CCDC6: variants seen among roughly 807,000 people sequenced by gnomAD.
The protein encoded by CCDC6 is coiled-coil domain-containing protein 6.
Under a neutral mutation model 56.6 loss-of-function variants are expected in CCDC6, and 20 were observed. The observed-to-expected ratio is 0.35, with a 90% confidence interval of 0.25 to 0.51. The LOEUF is 0.51. CCDC6 is among the 20% of genes least tolerant of loss of function. The pLI is 0.95. For synonymous variants in CCDC6, 241 were observed against 234.4 expected (o/e 1.03, Z -0.26); for missense variants, 367 against 601.1 (o/e 0.61, Z 4.07).
At chr10:59,793,194 G>T in intron 8 of CCDC6, 83 bp from the exon 9 acceptor site, 2 of 1,124,472 alleles carry the variant, frequency 1.8e-6, no homozygotes, top group Non-Finnish European at 2.6e-6. Flanking sequence ...TGGCACTGGG[G>T]CTAATCAAAC....
chr10:59,861,712 T>A (rs1439664283), intron 1 of CCDC6, among the ~76,000 whole-genome samples: 1 of 152,226 alleles, frequency 6.6e-6, no homozygotes, highest in African/African-American at 2.4e-5. Flanking sequence ...ATTAGTAGAT[T>A]TGGCATGGCT....
chr10:59,901,072 G>C (rs902709541), intron 1 of CCDC6, among the ~76,000 whole-genome samples: 1 of 151,906 alleles, frequency 6.6e-6, no homozygotes, highest in Non-Finnish European at 1.5e-5. Context: ...AAAAACAAAC[G>C]GTTTTTAAAA....
intron 2 of CCDC6, among the ~76,000 whole-genome samples, chr10:59,851,897 T>TTTACTTTAC (rs1300904506): frequency 6.7e-6 from 1 of 149,104 alleles, no homozygotes; most frequent in Non-Finnish European, 1.5e-5. Flanking sequence ...AAATTTTACC[T>TTTACTTTAC]TGTACTTTAC....
At chr10:59,800,209 G>T (rs993312453) in intron 7 of CCDC6, among the ~76,000 whole-genome samples, 1 of 152,132 alleles carries the variant, frequency 6.6e-6, no homozygotes, top group Non-Finnish European at 1.5e-5. Flanking sequence ...ATTGACATTG[G>T]TATAATATTA....
intron 7 of CCDC6, among the ~76,000 whole-genome samples, chr10:59,804,138 C>G (rs1047621062): frequency 6.6e-6 from 1 of 151,170 alleles, no homozygotes; most frequent in African/African-American, 2.4e-5. Context: ...AAATCATAGT[C>G]AAAGACATTC....
chr10:59,838,070 G>C (rs1274064666), intron 2 of CCDC6, among the ~76,000 whole-genome samples: 1 of 152,088 alleles, frequency 6.6e-6, no homozygotes, highest in Non-Finnish European at 1.5e-5. Flanking sequence ...CAGAAATTCA[G>C]ACTCCCACTT....
chr10:59,845,399 A>C (rs2132652245), intron 2 of CCDC6, among the ~76,000 whole-genome samples: 1 of 137,408 alleles, frequency 7.3e-6, no homozygotes, highest in African/African-American at 2.8e-5. Context: ...TCTAGCCATA[A>C]CCTTAGTACA....
chr10:59,888,392 C>G (rs373217244), intron 1 of CCDC6, among the ~76,000 whole-genome samples: 1 of 152,376 alleles, frequency 6.6e-6, no homozygotes, highest in African/African-American at 2.4e-5. Flanking sequence ...GTGACCTAAA[C>G]TTTCTGCTGC....
chr10:59,878,039 C>T (rs1005513993), intron 1 of CCDC6, among the ~76,000 whole-genome samples: 1 of 152,102 alleles, frequency 6.6e-6, no homozygotes, highest in Admixed American at 6.5e-5. Context: ...GATGCCATTT[C>T]AAAGCATTTC....
At chr10:59,804,010 T>A (rs758242213) in intron 7 of CCDC6, among the ~76,000 whole-genome samples, 33 of 152,162 alleles carry the variant, frequency 2.2e-4, no homozygotes, top group Admixed American at 3.9e-4. Flanking sequence ...CATTAATTAT[T>A]CTGAGGACAA....
intron 2 of CCDC6, among the ~76,000 whole-genome samples, chr10:59,842,481 G>C (rs1002710214): frequency 3.9e-5 from 6 of 151,966 alleles, no homozygotes; most frequent in Non-Finnish European, 8.8e-5. Flanking sequence ...TTTTTATTCT[G>C]TGAATGTGGC....
chr10:59,842,583 T>A (rs1383088359), intron 2 of CCDC6, among the ~76,000 whole-genome samples: 2 of 152,188 alleles, frequency 1.3e-5, no homozygotes, highest in Non-Finnish European at 2.9e-5. Flanking sequence ...TTTTAATATA[T>A]TGCTGACTTC....
At chr10:59,848,100 T>C (rs572272444) in intron 2 of CCDC6, among the ~76,000 whole-genome samples, 4 of 152,246 alleles carry the variant, frequency 2.6e-5, no homozygotes, top group Non-Finnish European at 5.9e-5. Context: ...TGCCCTGCGA[T>C]AGAATAGATC....
intron 3 of CCDC6, among the ~76,000 whole-genome samples, chr10:59,820,397 T>A (rs972694738): frequency 1.3e-5 from 2 of 152,242 alleles, no homozygotes; most frequent in Non-Finnish European, 2.9e-5. Context: ...TGGGAAAATC[T>A]GTTTTGAAAC....
chr10:59,855,101 C>T (rs1436673362), intron 1 of CCDC6, among the ~76,000 whole-genome samples: 2 of 152,062 alleles, frequency 1.3e-5, no homozygotes, highest in African/African-American at 4.8e-5. Flanking sequence ...TACACAGGGG[C>T]CTAGAAGTGA....
At chr10:59,849,035 A>T (rs2071016756) in intron 2 of CCDC6, among the ~76,000 whole-genome samples, 1 of 152,230 alleles carries the variant, frequency 6.6e-6, no homozygotes, top group South Asian at 2.1e-4. Context: ...AATTCTGATA[A>T]TTTTGCTCAC....
Position 59,794,544 on chromosome 10 carries a change from T to C in CCDC6, c.1159A>G (p.Arg387Gly). Reference sequence around the variant, plus strand: ...GAATTGTAATAAGACATTCCAGCTCTAGTCAGTGAAGTTGGTGGCGTGAAA... The same window carrying C: ...GAATTGTAATAAGACATTCCAGCTCCAGTCAGTGAAGTTGGTGGCGTGAAA... ...VGFTPPTSLT[R>G]AGMSYYNSPG... is the part of the protein sequence containing the mutation. Residue 387 changes from arginine to glycine, a missense_variant, in exon 8 of 9, where the codon AGA becomes GGA. Physicochemically the swap from Arg to Gly is moderately radical, Grantham distance 125. Around this residue, in one of 7 missense-constraint regions of CCDC6, gnomAD observed 79 missense variants for 83.9 expected, o/e 0.94. Transcript: ENST00000263102. 6.2e-7 allele frequency: 1 copy of C among 1,613,792 alleles called. No homozygotes were observed. Among genetic ancestry groups the C allele is most frequent in the Non-Finnish European group, 8.5e-7 (1 of 1,179,650 alleles).
Position 59,906,146 on chromosome 10 carries a change from G to A in CCDC6, c.279C>T (p.Asp93=), listed in dbSNP as rs372865166. The A allele has an allele frequency of 3.7e-6, 6 of 1,603,946 alleles. No individual in the cohort carries two copies. The highest frequency in any genetic ancestry group is 1.7e-4 in the Middle Eastern group (1 of 5,964). Residue 93 remains aspartate, a synonymous_variant, in exon 1 of 9, where the codon GAC becomes GAT. Coordinates refer to ENST00000263102, the MANE Select transcript of CCDC6 (RefSeq NM_005436.5). ...KCKALQEENR[D]LRKASVTIQA... ...CGATGGTCACGCTGGCTTTGCGCAG[G>A]TCGCGGTTCTCCTCCTGCAGTGCCT...
chr10:59,869,389 CAAAAAAAAA>C (rs1167007522), intron 1 of CCDC6, among the ~76,000 whole-genome samples: 20 of 6,076 alleles, frequency 3.3e-3, no homozygotes, highest in African/African-American at 7.7e-3. Flanking sequence ...CTTGCTCAGG[CAAAAAAAAA>C]AAAAAAAAAA....
Sources: allele counts gnomAD v4.1 joint callset (sites outside exome capture counted in the v4.1 genomes callset), GRCh38; gene constraint gnomAD v4.1.1; regional missense constraint gnomAD v4.1.1; transcripts MANE v1.5; gene names NCBI Gene and HGNC (gene_info 2026-07-23, HGNC 2026-07-21).